DAPP1: variants seen among roughly 807,000 people sequenced by gnomAD.
DAPP1 encodes dual adapter for phosphotyrosine and 3-phosphotyrosine and 3-phosphoinositide.
DAPP1 carries 20 observed loss-of-function variants against 41.5 expected under a neutral mutation model. That is an observed-to-expected ratio of 0.48 (90% CI 0.34 to 0.70). The LOEUF is 0.70. DAPP1 is among the 30% of genes least tolerant of loss of function. The pLI, the probability that DAPP1 is intolerant of heterozygous loss-of-function variation, is 0.01. For synonymous variants in DAPP1, 113 were observed against 116.2 expected (o/e 0.97, Z 0.18); for missense variants, 233 against 333.4 (o/e 0.70, Z 2.35).
chr4:99,868,463 A>C lies in DAPP1; in HGVS notation c.*278A>C. The C allele has an allele frequency of 2.6e-6, 1 of 378,088 alleles. No homozygotes were observed. Among genetic ancestry groups the C allele is most frequent in the Non-Finnish European group, 4.9e-6 (1 of 204,242 alleles). The allele number at this position is 378,088 out of a possible 1,614,324, so 23.4% of individuals were successfully genotyped here. Reference sequence around the variant, plus strand: ...GGTCTGCTCACTCTTAGAACACACAATGGAAGAGGAAGGGTTTTTGTTTTC... The same window carrying C: ...GGTCTGCTCACTCTTAGAACACACACTGGAAGAGGAAGGGTTTTTGTTTTC... On this transcript the variant is annotated 3_prime_UTR_variant, in exon 9 of 9. Coordinates refer to ENST00000512369, the MANE Select transcript of DAPP1 (RefSeq NM_014395.3).
intron 3 of DAPP1, among the ~76,000 whole-genome samples, chr4:99,849,049 T>C (rs1046175071): frequency 3.9e-5 from 6 of 152,192 alleles, no homozygotes; most frequent in Non-Finnish European, 5.9e-5. Context: ...CACCAGATTT[T>C]TATCAGTATA....
Position 99,853,237 on chromosome 4 carries a change from A to G in DAPP1, c.378A>G (p.Lys126=), listed in dbSNP as rs775717540. 34 of 1,613,984 alleles carry G rather than the reference A, an allele frequency of 2.1e-5. No homozygotes were observed. In the South Asian group the frequency reaches 3.7e-4, roughly 18 times the overall value. Residue 126 remains lysine, a synonymous_variant, in exon 4 of 9, where the codon AAA becomes AAG. Transcript: ENST00000512369. ...GSETGTLMVL[K]HPYPRKVEEP... is the part of the protein sequence containing the mutation. ...ATTCAGGCACTCTGATGGTTCTAAA[A>G]CATCCCTACCCAAGAAAAGTGGAAG... is the stretch of plus-strand genomic sequence containing the variant.
chr4:99,853,472 G>GGAAT, intron 4 of DAPP1, 124 bp downstream of exon 4: 2 of 1,330,716 alleles, frequency 1.5e-6, no homozygotes, highest in Non-Finnish European at 1.0e-6. Flanking sequence ...AACTTGGAAA[G>GGAAT]GAATGTGAGA....
chr4:99,846,557 T>C (rs1316365120), intron 3 of DAPP1, among the ~76,000 whole-genome samples: 1 of 152,248 alleles, frequency 6.6e-6, no homozygotes, highest in Non-Finnish European at 1.5e-5. Context: ...AAAATGCTTT[T>C]ATGGTTATTA....
intron 2 of DAPP1, among the ~76,000 whole-genome samples, chr4:99,840,036 T>C (rs1723442748): frequency 6.6e-6 from 1 of 152,148 alleles, no homozygotes; most frequent in South Asian, 2.1e-4. Flanking sequence ...CACTCCAGCC[T>C]GGGGGACAGA....
intron 3 of DAPP1, among the ~76,000 whole-genome samples, chr4:99,848,029 G>T (rs575532691): frequency 6.6e-6 from 1 of 151,886 alleles, no homozygotes; most frequent in African/African-American, 2.4e-5. Context: ...GGCCAGGATG[G>T]TCTTGATCTC....
chr4:99,861,518 G>T, intron 4 of DAPP1, 60 bp from the exon 5 acceptor site: 1 of 1,486,426 alleles, frequency 6.7e-7, no homozygotes, highest in South Asian at 1.2e-5. Flanking sequence ...GGACATGAAA[G>T]GAAGGACAAA....
At chr4:99,867,708 G>A (rs1325691044) in intron 8 of DAPP1, among the ~76,000 whole-genome samples, 3 of 152,136 alleles carry the variant, frequency 2.0e-5, no homozygotes, top group African/African-American at 7.2e-5. Flanking sequence ...CATCTTTATT[G>A]ATAATATACA....
chr4:99,830,811 C>G (rs896581331), intron 1 of DAPP1, among the ~76,000 whole-genome samples: 4 of 152,018 alleles, frequency 2.6e-5, no homozygotes, highest in African/African-American at 9.7e-5. Flanking sequence ...TCAATCTTCA[C>G]CTAAGTGCCT....
At chr4:99,839,905 T>C (rs1723437535) in intron 2 of DAPP1, among the ~76,000 whole-genome samples, 1 of 152,086 alleles carries the variant, frequency 6.6e-6, no homozygotes. Context: ...TTACTAAATA[T>C]ACAAAAATTA....
chr4:99,868,312 A>C lies in DAPP1; in HGVS notation c.*127A>C. On this transcript the variant is annotated 3_prime_UTR_variant, in exon 9 of 9. Transcript: ENST00000512369. ...TCTTTCAAAAACAAATCAGAAGCAGATGCTGATTGGGACCCATATACCACG... is the reference window on the plus strand; with the variant it reads ...TCTTTCAAAAACAAATCAGAAGCAGCTGCTGATTGGGACCCATATACCACG... 4 of 843,094 alleles carry C rather than the reference A, an allele frequency of 4.7e-6. No individual in the cohort carries two copies. The highest frequency in any genetic ancestry group is 5.8e-6 in the Non-Finnish European group (3 of 521,020). 52.2% of individuals were successfully genotyped at this position (843,094 alleles called of 1,614,324 possible).
chr4:99,840,357 A>C lies in DAPP1; in HGVS notation c.293A>C (p.Glu98Ala). The change falls in exon 3 of 9, where the codon GAA becomes GCA. Residue 98 changes from glutamate (E) to alanine (A), a missense_variant. Physicochemically the swap from Glu to Ala is moderately radical, Grantham distance 107. Coordinates refer to ENST00000512369, the MANE Select transcript of DAPP1 (RefSeq NM_014395.3). ...TGYSFKFGFN[E>A]FSSLKDFVKH... The stretch of plus-strand genomic sequence containing the variant: ...TATTCATTTAAATTTGGCTTTAATG[A>C]ATTCTCATCTTTGAAGGATTTTGTC... 1.2e-6 allele frequency: 2 copies of C among 1,610,978 alleles called. No individual in the cohort carries two copies. Among genetic ancestry groups the C allele is most frequent in the Non-Finnish European group, 1.7e-6 (2 of 1,179,000 alleles).
chr4:99,832,653 T>TAAGA (rs1723165607), intron 1 of DAPP1, among the ~76,000 whole-genome samples: 1 of 152,278 alleles, frequency 6.6e-6, no homozygotes, highest in South Asian at 2.1e-4. Flanking sequence ...TCTTCTTGCA[T>TAAGA]TATACTCAAG....
chr4:99,857,217 T>G (rs1484384166), intron 4 of DAPP1, among the ~76,000 whole-genome samples: 1 of 151,994 alleles, frequency 6.6e-6, no homozygotes. Context: ...TTCTTGCAGA[T>G]GGATTGAATG....
At chr4:99,863,182 A>C in intron 6 of DAPP1, 110 bp downstream of exon 6, 2 of 649,372 alleles carry the variant, frequency 3.1e-6, no homozygotes, top group Non-Finnish European at 5.1e-6. Flanking sequence ...GAAATACCTA[A>C]TAAATGATTG....
At chr4:99,826,381 C>G (rs1722937663) in intron 1 of DAPP1, among the ~76,000 whole-genome samples, 1 of 152,182 alleles carries the variant, frequency 6.6e-6, no homozygotes, top group African/African-American at 2.4e-5. Flanking sequence ...GGCATTTTGG[C>G]TGTTTTAACA....
At chr4:99,855,442 T>C (rs1724012312) in intron 4 of DAPP1, among the ~76,000 whole-genome samples, 1 of 152,208 alleles carries the variant, frequency 6.6e-6, no homozygotes, top group Admixed American at 6.5e-5. Flanking sequence ...TAAACCTCTT[T>C]AAAGCACATT....
chr4:99,836,407 A>G (rs1394775388), intron 2 of DAPP1, among the ~76,000 whole-genome samples: 1 of 152,180 alleles, frequency 6.6e-6, no homozygotes, highest in African/African-American at 2.4e-5. Flanking sequence ...GCTGGTTCTC[A>G]GTCGCATCTG....
chr4:99,858,388 C>G (rs57238114), intron 4 of DAPP1, among the ~76,000 whole-genome samples: 10,012 of 152,206 alleles, frequency 0.066, 421 homozygotes, highest in East Asian at 0.24. Flanking sequence ...TTCATGTTGG[C>G]TACAAATACC....
Sources: gnomAD v4.1 joint callset for allele counts (sites outside exome capture counted in the v4.1 genomes callset) on GRCh38, gnomAD v4.1.1 for gene constraint, MANE v1.5 for transcripts, NCBI Gene and HGNC (gene_info 2026-07-23, HGNC 2026-07-21) for gene names.